GRIA3: variants seen among roughly 807,000 people sequenced by gnomAD.
GRIA3 encodes the protein glutamate receptor 3.
A neutral mutation model predicts 63.0 loss-of-function variants in GRIA3; 3 were observed. That is an observed-to-expected ratio of 0.05 (90% CI 0.02 to 0.12). GRIA3 has a LOEUF of 0.12. Ranked by LOEUF, GRIA3 falls within the 10% of genes least tolerant of loss-of-function variation. The probability of loss-of-function intolerance (pLI) is 1.00; values close to 1 mark genes in which losing one functional copy is unlikely to be tolerated. For synonymous variants in GRIA3, 274 were observed against 257.9 expected, an observed-to-expected ratio of 1.06 and a Z score of -0.60; for missense variants, 347 against 700.9, an observed-to-expected ratio of 0.50 and a Z score of 5.70.
intron 12 of GRIA3, among the ~76,000 whole-genome samples, chrX:123,452,227 A>G (rs145331943): frequency 2.7e-3 from 304 of 111,323 alleles, no homozygotes; most frequent in South Asian, 0.02. Flanking sequence ...CCTCAGGCCA[A>G]TTAAACCAGA....
intron 3 of GRIA3, among the ~76,000 whole-genome samples, chrX:123,320,898 G>A (rs748997070): frequency 1.8e-4 from 20 of 111,687 alleles, no homozygotes; most frequent in Non-Finnish European, 3.8e-4. Context: ...GTGATATTTG[G>A]CAAGTCACTT....
At chrX:123,258,262 C>T (rs184491672) in intron 3 of GRIA3, among the ~76,000 whole-genome samples, 3 of 112,696 alleles carry the variant, frequency 2.7e-5, no homozygotes, top group African/African-American at 9.7e-5. Flanking sequence ...AACAGCTCAG[C>T]TGACCAATTT....
intron 4 of GRIA3, among the ~76,000 whole-genome samples, chrX:123,340,831 T>G (rs1309381260): frequency 9.0e-6 from 1 of 111,716 alleles, no homozygotes; most frequent in Non-Finnish European, 1.9e-5. Flanking sequence ...CTATGATGAC[T>G]TAAACCTTTG....
intron 12 of GRIA3, among the ~76,000 whole-genome samples, chrX:123,440,128 G>A (rs775817575): frequency 4.5e-5 from 5 of 112,167 alleles, no homozygotes; most frequent in Admixed American, 3.8e-4. Context: ...ACATGATCTC[G>A]TTCTTTTTTA....
At chrX:123,242,803 AAGTGACCGGCCC>A (rs2044337315) in intron 2 of GRIA3, among the ~76,000 whole-genome samples, 2 of 112,800 alleles carry the variant, frequency 1.8e-5, no homozygotes, top group Admixed American at 1.9e-4. Flanking sequence ...AAGCCCAGGG[AAGTGACCGGCCC>A]AAGGCCATAT....
intron 3 of GRIA3, among the ~76,000 whole-genome samples, chrX:123,275,188 C>A (rs998646446): frequency 9.0e-6 from 1 of 111,235 alleles, no homozygotes; most frequent in Non-Finnish European, 1.9e-5. Flanking sequence ...ATAATTATAA[C>A]AATAGCAAAC....
At chrX:123,413,655 A>G (rs1402245535) in intron 10 of GRIA3, among the ~76,000 whole-genome samples, 2 of 109,097 alleles carry the variant, frequency 1.8e-5, no homozygotes, top group Admixed American at 9.9e-5. Flanking sequence ...AAAGGGTAAA[A>G]TAGATGAAAA....
At chrX:123,184,975 C>T in intron 1 of GRIA3, 1 of 380,919 alleles carries the variant, frequency 2.6e-6, no homozygotes, top group Non-Finnish European at 4.9e-6. Context: ...GGCTTTTCGG[C>T]TCGCTGCTCT....
intron 2 of GRIA3, among the ~76,000 whole-genome samples, chrX:123,198,338 A>G (rs888566441): frequency 8.9e-6 from 1 of 112,247 alleles, no homozygotes; most frequent in Non-Finnish European, 1.9e-5. Flanking sequence ...CATCTGTTCA[A>G]TGAGAATAAA....
intron 2 of GRIA3, among the ~76,000 whole-genome samples, chrX:123,234,215 CT>C (rs1341182556): frequency 9.0e-6 from 1 of 111,135 alleles, no homozygotes; most frequent in African/African-American, 3.3e-5. Flanking sequence ...AACTGACCCC[CT>C]TACAAACTGG....
intron 5 of GRIA3, among the ~76,000 whole-genome samples, chrX:123,363,065 A>T (rs1331313221): frequency 8.9e-6 from 1 of 112,590 alleles, no homozygotes; most frequent in Non-Finnish European, 1.9e-5. Flanking sequence ...TCTCATTAGC[A>T]ATCTGACAAC....
At chrX:123,386,540 T>C (rs1194531931) in intron 5 of GRIA3, among the ~76,000 whole-genome samples, 1 of 111,698 alleles carries the variant, frequency 9.0e-6, no homozygotes, top group Admixed American at 9.5e-5. Context: ...CCTACACTAA[T>C]GTCCTGAAGT....
At chrX:123,320,300 G>C (rs1603091002) in intron 3 of GRIA3, among the ~76,000 whole-genome samples, 2 of 111,781 alleles carry the variant, frequency 1.8e-5, no homozygotes, top group African/African-American at 6.5e-5. Flanking sequence ...CCATAAGATG[G>C]GCAGACTCAA....
At chrX:123,278,811 T>C (rs1465973028) in intron 3 of GRIA3, among the ~76,000 whole-genome samples, 2 of 112,223 alleles carry the variant, frequency 1.8e-5, no homozygotes, top group East Asian at 5.6e-4. Context: ...AGTTTCATGC[T>C]ATTTTGGTTG....
intron 3 of GRIA3, among the ~76,000 whole-genome samples, chrX:123,322,319 G>T (rs2044873540): frequency 8.9e-6 from 1 of 112,166 alleles, no homozygotes; most frequent in African/African-American, 3.2e-5. Flanking sequence ...TCTTTAAAAT[G>T]AGGAAGAAGA....
At chrX:123,230,782 T>A (rs1167454556) in intron 2 of GRIA3, among the ~76,000 whole-genome samples, 3 of 111,949 alleles carry the variant, frequency 2.7e-5, no homozygotes, top group Non-Finnish European at 5.6e-5. Context: ...TTGGAACTCC[T>A]AGTTCTATCA....
At chrX:123,354,884 A>T in intron 4 of GRIA3, 26 bp from the exon 5 acceptor site, 6 of 1,131,348 alleles carry the variant, frequency 5.3e-6, no homozygotes, top group Non-Finnish European at 7.3e-6. Context: ...TGAATAAGCA[A>T]TATGTCTTAT....
intron 11 of GRIA3, among the ~76,000 whole-genome samples, chrX:123,427,539 A>T (rs1407539620): frequency 2.7e-5 from 3 of 110,837 alleles, no homozygotes; most frequent in East Asian, 5.6e-4. Flanking sequence ...AAAAATATAT[A>T]TTTTTTCCTG....
intron 13 of GRIA3, chrX:123,465,581 T>C: frequency 1.5e-6 from 1 of 667,051 alleles, no homozygotes; most frequent in Non-Finnish European, 2.4e-6. Context: ...CTGTGAAATT[T>C]AGCCAATTTG....
Sources: gnomAD v4.1 joint callset for allele counts (sites outside exome capture counted in the v4.1 genomes callset) on GRCh38, gnomAD v4.1.1 for gene constraint, MANE v1.5 for transcripts, NCBI Gene and HGNC (gene_info 2026-07-23, HGNC 2026-07-21) for gene names.